API5: variants seen among roughly 807,000 people sequenced by gnomAD.
The protein encoded by API5 is FIF.
In API5, 6 loss-of-function variants were observed where a neutral mutation model predicts 71.9. The observed-to-expected ratio is 0.08, with a 90% CI of 0.05 to 0.16. The LOEUF (loss-of-function observed/expected upper bound fraction) is 0.16. API5 is among the 10% of genes least tolerant of loss of function. The pLI, the probability that API5 is intolerant of heterozygous loss-of-function variation, is 1.00. For synonymous variants in API5, 189 were observed against 221.3 expected, an observed-to-expected ratio of 0.85 and a Z score of 1.30; for missense variants, 332 against 612.8, an observed-to-expected ratio of 0.54 and a Z score of 4.84.
At chr11:43,337,790 A>G (rs1198758385) in intron 13 of API5, among the ~76,000 whole-genome samples, 1 of 152,232 alleles carries the variant, frequency 6.6e-6, no homozygotes, top group Non-Finnish European at 1.5e-5. Context: ...AGTAATCAAT[A>G]GCTATGGCAA....
In API5 at chr11:43,343,922, T is replaced by C. The variant is rs1855702231; in HGVS notation, c.*1412T>C. ...CAGGTGTCTTCATTACCATTACCTCTACACTGCAGAAGAAGCAAAACTCCT... is the reference window on the plus strand; with the variant it reads ...CAGGTGTCTTCATTACCATTACCTCCACACTGCAGAAGAAGCAAAACTCCT... On this transcript the variant is annotated 3_prime_UTR_variant, in exon 14 of 14. Transcript: ENST00000531273. 6.6e-6 allele frequency: 1 copy of C among 152,628 alleles called. No individual in the cohort carries two copies. The highest frequency in any genetic ancestry group is 1.5e-5 in the Non-Finnish European group (1 of 68,040). 9.5% of individuals were successfully genotyped at this position (152,628 alleles called of 1,614,324 possible). A position where few individuals can be genotyped will look rare whatever the true frequency, so the allele number is the denominator to read the frequency against.
intron 2 of API5, 193 bp downstream of exon 2, chr11:43,318,994 A>G: frequency 2.0e-6 from 1 of 489,940 alleles, no homozygotes; most frequent in Non-Finnish European, 3.5e-6. Context: ...TTAAATTATG[A>G]AAAATGCATA....
At chr11:43,336,425 T>C (rs1248629236) in intron 13 of API5, among the ~76,000 whole-genome samples, 1 of 152,164 alleles carries the variant, frequency 6.6e-6, no homozygotes, top group Admixed American at 6.5e-5. Flanking sequence ...CCATCTTCTG[T>C]AGCTAGTTAA....
Position 43,312,195 on chromosome 11 carries a change from A to G in API5, c.68A>G (p.Gln23Arg), listed in dbSNP as rs766372879. ...ILADATEQVG[Q>R]HKDAYQVILD... ...GCCGATGCCACGGAGCAAGTGGGCC[A>G]GGTGAGTTGAGTCCCCGGGCGGCCT... Residue 23 changes from glutamine (Q) to arginine (R), a missense_variant and splice_region_variant, in exon 1 of 14, where the codon CAG becomes CGG. By Grantham distance (43) the Gln-to-Arg change is conservative. Around this residue, in one of 3 missense-constraint regions of API5, gnomAD observed 127 missense variants for 237.6 expected, o/e 0.53. Transcript: ENST00000531273. 4.3e-6 allele frequency: 7 copies of G among 1,613,634 alleles called. No homozygotes were observed. The South Asian group carries it at 5.5e-5, about 13-fold the overall frequency.
At chr11:43,315,486 A>T (rs1854638227) in intron 1 of API5, among the ~76,000 whole-genome samples, 1 of 152,176 alleles carries the variant, frequency 6.6e-6, no homozygotes, top group African/African-American at 2.4e-5. Context: ...TATTGGAAGA[A>T]GGAACAGAGA....
At chr11:43,324,589 CA>C (rs888647879) in intron 6 of API5, among the ~76,000 whole-genome samples, 1 of 151,644 alleles carries the variant, frequency 6.6e-6, no homozygotes, top group Admixed American at 6.6e-5. Flanking sequence ...CTTGTCTCTA[CA>C]AAAAAAATTA....
intron 11 of API5, among the ~76,000 whole-genome samples, chr11:43,333,727 A>G (rs183051730): frequency 2.0e-5 from 3 of 152,272 alleles, no homozygotes; most frequent in Admixed American, 6.5e-5. Context: ...AGTGGTCTCT[A>G]TCTCCCTCAT....
At chr11:43,341,347 C>A (rs1043525577) in intron 13 of API5, among the ~76,000 whole-genome samples, 35 of 152,080 alleles carry the variant, frequency 2.3e-4, no homozygotes, top group Non-Finnish European at 1.0e-4. Context: ...TCAACAGGTG[C>A]ATCAACAGGT....
Position 43,323,697 on chromosome 11 carries a change from C to CT in API5, c.750+64dup, listed in dbSNP as rs1854971711. 2.0e-6 allele frequency: 3 copies of CT among 1,488,084 alleles called. No homozygotes were observed. The South Asian group carries it at 3.5e-5, about 17-fold the overall frequency. 92.2% of individuals were successfully genotyped at this position (1,488,084 alleles called of 1,614,324 possible). On this transcript the variant is annotated intron_variant, in intron 6 of 13. Transcript: ENST00000531273. ...ATATATATATTTCCATAAATACTCA[C>CT]TTTAACATTCCCCTTAAACCTTTCC...
At chr11:43,320,492 C>T (rs1854840182) in intron 2 of API5, among the ~76,000 whole-genome samples, 1 of 151,698 alleles carries the variant, frequency 6.6e-6, no homozygotes, top group Admixed American at 6.6e-5. Context: ...GCCTGTAATC[C>T]CAACACTTTG....
At chr11:43,320,745 AGAAAG>A in intron 2 of API5, 71 bp from the exon 3 acceptor site, 1 of 1,214,670 alleles carries the variant, frequency 8.2e-7, no homozygotes. Context: ...AAAAAAAAAA[AGAAAG>A]AAAAGAAAAA....
chr11:43,335,772 C>G, intron 12 of API5, 86 bp from the exon 13 acceptor site: 2 of 1,404,836 alleles, frequency 1.4e-6, no homozygotes, highest in Admixed American at 2.6e-5. Flanking sequence ...GATGTCTTTC[C>G]TAACTGATAT....
rs564214255 is a variant in API5, at chr11:43,343,280, G to A, written c.*770G>A. ...AAATCACTTTTTAAATTCCAGGAAC[G>A]GGTAGTCTGACACGGTGATTATCCT... is the stretch of plus-strand genomic sequence containing the variant. On this transcript the variant is annotated 3_prime_UTR_variant, in exon 14 of 14. Transcript: ENST00000531273. 6.6e-5 allele frequency: 10 copies of A among 152,334 alleles called. No individual in the cohort carries two copies. In the South Asian group the frequency reaches 1.5e-3, roughly 22 times the overall value. 9.4% of individuals were successfully genotyped at this position (152,334 alleles called of 1,614,324 possible). A position where few individuals can be genotyped will look rare whatever the true frequency, so the allele number is the denominator to read the frequency against.
At chr11:43,328,955 G>A in intron 9 of API5, 62 bp downstream of exon 9, 1 of 1,572,262 alleles carries the variant, frequency 6.4e-7, no homozygotes, top group South Asian at 1.1e-5. Context: ...GAAGTTCCTT[G>A]GGTTTTGCTT....
intron 1 of API5, among the ~76,000 whole-genome samples, chr11:43,315,498 A>G (rs1854638535): frequency 6.6e-6 from 1 of 152,172 alleles, no homozygotes; most frequent in African/African-American, 2.4e-5. Flanking sequence ...GAACAGAGAA[A>G]CCATTTACAA....
chr11:43,322,642 C>G (rs976173096), intron 5 of API5, among the ~76,000 whole-genome samples: 3 of 152,180 alleles, frequency 2.0e-5, no homozygotes, highest in Non-Finnish European at 4.4e-5. Flanking sequence ...TAACTTTTCA[C>G]TCATCTTAAT....
At chr11:43,341,370 A>G (rs1855605897) in intron 13 of API5, among the ~76,000 whole-genome samples, 1 of 152,238 alleles carries the variant, frequency 6.6e-6, no homozygotes, top group Admixed American at 6.5e-5. Context: ...ATGGCTAAAC[A>G]AGATGTGGTA....
intron 13 of API5, among the ~76,000 whole-genome samples, chr11:43,341,909 A>G (rs1855628837): frequency 6.6e-6 from 1 of 152,070 alleles, no homozygotes; most frequent in African/African-American, 2.4e-5. Context: ...CTGTAGTCCC[A>G]GCACTGAGGC....
At chr11:43,319,724 T>C (rs914784482) in intron 2 of API5, among the ~76,000 whole-genome samples, 1 of 152,190 alleles carries the variant, frequency 6.6e-6, no homozygotes, top group African/African-American at 2.4e-5. Context: ...GCTGTACATA[T>C]TTTATGTAAA....
Sources: gnomAD v4.1 joint callset for allele counts (sites outside exome capture counted in the v4.1 genomes callset) on GRCh38, gnomAD v4.1.1 for gene constraint, gnomAD v4.1.1 regional missense constraint, MANE v1.5 for transcripts, NCBI Gene and HGNC (gene_info 2026-07-23, HGNC 2026-07-21) for gene names.